NDUFAF7: variants seen among roughly 807,000 people sequenced by gnomAD.
NDUFAF7 encodes the protein protein arginine methyltransferase NDUFAF7, mitochondrial.
NDUFAF7 carries 48 observed loss-of-function variants against 47.2 expected under a neutral mutation model. That is an observed-to-expected ratio of 1.02 (90% CI 0.81 to 1.29). NDUFAF7 has a LOEUF of 1.29. Among genes scored for constraint, NDUFAF7 ranks in the 50% most tolerant of loss-of-function variants. The pLI is 0.00. For missense variants in NDUFAF7, 635 were observed against 537.6 expected (o/e 1.18, Z -1.79); for synonymous variants, 217 against 190.0 (o/e 1.14, Z -1.17).
At chr2:37,254,348 G>C (rs567252464), downstream of NDUFAF7, 2 of 1,338,830 alleles carry the variant, frequency 1.5e-6, no homozygotes, top group East Asian at 4.6e-5. Flanking sequence ...CCCCAAACTT[G>C]TGACTGCCTA....
At chr2:37,238,132 A>G (rs530036043) in intron 4 of NDUFAF7, among the ~76,000 whole-genome samples, 1 of 152,290 alleles carries the variant, frequency 6.6e-6, no homozygotes, top group Non-Finnish European at 1.5e-5. Context: ...TCAGGAAGGA[A>G]AGTTGTTAAT....
intron 3 of NDUFAF7, 33 bp downstream of exon 3, chr2:37,236,209 A>G: frequency 6.7e-7 from 1 of 1,493,600 alleles, no homozygotes; most frequent in Non-Finnish European, 9.3e-7. Context: ...AATGAAGCTA[A>G]TATAAACATT....
At chr2:37,255,568 G>T (rs890615489), downstream of NDUFAF7, among the ~76,000 whole-genome samples, 1 of 152,162 alleles carries the variant, frequency 6.6e-6, no homozygotes, top group Non-Finnish European at 1.5e-5. Context: ...AGGTCCACAG[G>T]AGAGAGGAAA....
chr2:37,268,193 A>T, the NDUFAF7 span: 1 of 404,742 alleles, frequency 2.5e-6, no homozygotes, highest in Non-Finnish European at 5.0e-6. Context: ...GCTCTTCTCT[A>T]CATAGCTATT....
chr2:37,250,404 T>TA (rs1324123166), downstream of NDUFAF7: 1 of 152,176 alleles, frequency 6.6e-6, no homozygotes, highest in Non-Finnish European at 1.5e-5. Flanking sequence ...TTTAACTTTT[T>TA]AAAGCCTTCT....
At chr2:37,252,718 A>C (rs1166196338), downstream of NDUFAF7, 2 of 152,006 alleles carry the variant, frequency 1.3e-5, no homozygotes, top group Admixed American at 1.3e-4. Context: ...CCTCACAGTT[A>C]CCTCTTAAAT....
intron 2 of NDUFAF7, among the ~76,000 whole-genome samples, chr2:37,235,650 A>G (rs1558489997): frequency 6.6e-6 from 1 of 151,060 alleles, no homozygotes; most frequent in African/African-American, 2.4e-5. Context: ...TTATTTATTT[A>G]TTTATTTATT....
At chr2:37,261,450 G>GA in the NDUFAF7 span, among the ~76,000 whole-genome samples, 2 of 150,240 alleles carry the variant, frequency 1.3e-5, no homozygotes, top group African/African-American at 4.9e-5. Context: ...TCATGCCATT[G>GA]CACTCCAGCC....
intron 4 of NDUFAF7, among the ~76,000 whole-genome samples, chr2:37,239,392 T>C (rs1666128581): frequency 6.6e-6 from 1 of 152,212 alleles, no homozygotes; most frequent in Non-Finnish European, 1.5e-5. Flanking sequence ...GTGCTGGGAT[T>C]ACAGGCATGA....
downstream of NDUFAF7, chr2:37,256,620 T>C (rs1372392198): frequency 5.5e-6 from 8 of 1,453,626 alleles, no homozygotes; most frequent in Non-Finnish European, 7.2e-6. Context: ...TTAAAACACA[T>C]AGCCAAAATT....
the NDUFAF7 span, chr2:37,267,322 T>C: frequency 1.4e-6 from 1 of 710,150 alleles, no homozygotes; most frequent in Non-Finnish European, 2.3e-6. Flanking sequence ...ATGCCTATAT[T>C]ACCATAATCT....
At chr2:37,259,647 T>C in the NDUFAF7 span, 1 of 1,613,352 alleles carries the variant, frequency 6.2e-7, no homozygotes. Flanking sequence ...GTGCACAATA[T>C]TCTTAAAATG....
At chr2:37,268,169 T>C in the NDUFAF7 span, 4 of 365,924 alleles carry the variant, frequency 1.1e-5, no homozygotes, top group East Asian at 7.8e-5. Flanking sequence ...GTTCTTCAAA[T>C]ATGTATCTGA....
chr2:37,236,220 T>G (rs1490467124), intron 3 of NDUFAF7, 44 bp downstream of exon 3: 1 of 1,436,776 alleles, frequency 7.0e-7, no homozygotes, highest in Non-Finnish European at 9.8e-7. Context: ...TATAAACATT[T>G]GAGAGCAGAT....
the NDUFAF7 span, chr2:37,267,745 G>C: frequency 2.1e-6 from 1 of 480,660 alleles, no homozygotes; most frequent in South Asian, 3.0e-5. Context: ...AAAGTCAGCT[G>C]CATTATCTAA....
the NDUFAF7 span, among the ~76,000 whole-genome samples, chr2:37,261,891 T>C: frequency 3.5e-4 from 54 of 152,344 alleles, no homozygotes; most frequent in Non-Finnish European, 6.8e-4. Flanking sequence ...AAAACGTATT[T>C]TGAATACCTG....
chr2:37,246,106 G>C lies in NDUFAF7; in HGVS notation c.847G>C (p.Glu283Gln), dbSNP rs202091844. The C allele has an allele frequency of 6.2e-7, 1 of 1,613,868 alleles. No homozygotes were observed. Among genetic ancestry groups the C allele is most frequent in the Non-Finnish European group, 8.5e-7 (1 of 1,179,850 alleles). The change falls in exon 8 of 10, where the codon GAG (glutamate) becomes CAG (glutamine). Residue 283 changes from glutamate to glutamine, a missense_variant. Glu to Gln is a conservative substitution (Grantham distance 29). Transcript: ENST00000002125. ...EVCPDAGVIIEELSQRIALTG... is the reference protein window; with the variant it reads ...EVCPDAGVIIQELSQRIALTG... ...GTGTCCTGATGCTGGTGTTATCATC[G>C]AGGAACTTTCTCAACGCATTGCATT...
the NDUFAF7 span, among the ~76,000 whole-genome samples, chr2:37,263,203 G>T: frequency 1.3e-5 from 2 of 152,050 alleles, no homozygotes; most frequent in African/African-American, 4.8e-5. Context: ...GTACAAAGGC[G>T]CTGATATATA....
chr2:37,238,126 G>A (rs1358023366), intron 4 of NDUFAF7, among the ~76,000 whole-genome samples: 1 of 152,144 alleles, frequency 6.6e-6, no homozygotes, highest in Non-Finnish European at 1.5e-5. Flanking sequence ...GTTTCCTCAG[G>A]AAGGAAAGTT....
Sources: allele counts gnomAD v4.1 joint callset (sites outside exome capture counted in the v4.1 genomes callset), GRCh38; gene constraint gnomAD v4.1.1; transcripts MANE v1.5; gene names NCBI Gene and HGNC (gene_info 2026-07-23, HGNC 2026-07-21).